Variants in PRKAR2B observed in about 807,000 individuals in gnomAD.
The protein encoded by PRKAR2B is protein kinase cAMP-dependent type II regulatory subunit beta.
Under a neutral mutation model 49.9 loss-of-function variants are expected in PRKAR2B, and 14 were observed. The ratio of observed to expected loss-of-function variants is 0.28; its 90% confidence interval spans 0.19 to 0.44. The LOEUF (loss-of-function observed/expected upper bound fraction) is 0.44, where lower values mean the gene tolerates loss of function less well. Among genes scored for constraint, PRKAR2B ranks in the 20% least tolerant of loss-of-function variants. PRKAR2B has a pLI of 1.00. For missense variants in PRKAR2B, 393 were observed against 537.9 expected, an observed-to-expected ratio of 0.73 and a Z score of 2.67; for synonymous variants, 196 against 197.7, an observed-to-expected ratio of 0.99 and a Z score of 0.07.
intron 5 of PRKAR2B, among the ~76,000 whole-genome samples, chr7:107,145,988 G>A (rs1003482926): frequency 1.3e-5 from 2 of 152,030 alleles, no homozygotes; most frequent in African/African-American, 4.8e-5. Flanking sequence ...TGATCCACCC[G>A]CCTCAGCCTC....
intron 5 of PRKAR2B, among the ~76,000 whole-genome samples, chr7:107,145,354 A>G (rs1225323861): frequency 6.6e-6 from 1 of 152,232 alleles, no homozygotes; most frequent in Non-Finnish European, 1.5e-5. Context: ...TAGATTATAA[A>G]GGACCCTAGT....
chr7:107,120,079 G>C (rs1795360389), intron 2 of PRKAR2B, among the ~76,000 whole-genome samples: 1 of 152,172 alleles, frequency 6.6e-6, no homozygotes, highest in Non-Finnish European at 1.5e-5. Context: ...TCTTTCATCT[G>C]TCAAGTGATG....
chr7:107,153,098 A>G, intron 7 of PRKAR2B, 79 bp from the exon 8 acceptor site: 1 of 1,007,346 alleles, frequency 9.9e-7, no homozygotes. Context: ...CCTATAGGCT[A>G]CCAGTTTTTT....
intron 1 of PRKAR2B, chr7:107,068,418 C>T (rs1244767264): frequency 1.3e-5 from 2 of 152,110 alleles, no homozygotes; most frequent in African/African-American, 4.8e-5. Context: ...CATTCACTGT[C>T]CTTGTAGCTT....
At chr7:107,071,540 G>T (rs932535165) in intron 2 of PRKAR2B, among the ~76,000 whole-genome samples, 2 of 152,188 alleles carry the variant, frequency 1.3e-5, no homozygotes, top group African/African-American at 2.4e-5. Context: ...TTATCCCAAA[G>T]AACTATCAAG....
At chr7:107,052,933 G>A (rs1304805390) in intron 1 of PRKAR2B, among the ~76,000 whole-genome samples, 1 of 152,156 alleles carries the variant, frequency 6.6e-6, no homozygotes, top group East Asian at 1.9e-4. Context: ...GGGTTCAAGT[G>A]ATTCTCCTGC....
At chr7:107,119,757 G>T (rs1249123519) in intron 2 of PRKAR2B, among the ~76,000 whole-genome samples, 1 of 152,158 alleles carries the variant, frequency 6.6e-6, no homozygotes, top group Non-Finnish European at 1.5e-5. Context: ...TTCCAGCAGG[G>T]AGAGATCTAG....
chr7:107,082,221 A>G (rs985423628), intron 2 of PRKAR2B: 2 of 152,192 alleles, frequency 1.3e-5, no homozygotes, highest in African/African-American at 4.8e-5. Context: ...TTTTCTTTTT[A>G]TAATGTTGAT....
intron 6 of PRKAR2B, among the ~76,000 whole-genome samples, chr7:107,147,370 T>C (rs1451010469): frequency 6.6e-6 from 1 of 152,208 alleles, no homozygotes; most frequent in African/African-American, 2.4e-5. Context: ...TCTTCAGCAC[T>C]GGGACCTGAG....
intron 1 of PRKAR2B, among the ~76,000 whole-genome samples, chr7:107,068,365 C>A (rs552016731): frequency 6.6e-6 from 1 of 152,166 alleles, no homozygotes; most frequent in South Asian, 2.1e-4. Context: ...CTTGCACTCT[C>A]CGTTCTGCAT....
chr7:107,121,930 A>G, intron 2 of PRKAR2B, 22 bp from the exon 3 acceptor site: 2 of 1,496,832 alleles, frequency 1.3e-6, no homozygotes, highest in Non-Finnish European at 1.8e-6. Context: ...AATCTTTAAG[A>G]TGTTCATTTT....
At chr7:107,120,401 A>AG (rs1795366539) in intron 2 of PRKAR2B, among the ~76,000 whole-genome samples, 1 of 152,124 alleles carries the variant, frequency 6.6e-6, no homozygotes, top group Non-Finnish European at 1.5e-5. Context: ...TCAGGTGTTT[A>AG]GAGTGGTGCC....
chr7:107,125,683 G>C (rs1795468549), intron 3 of PRKAR2B, among the ~76,000 whole-genome samples: 1 of 152,190 alleles, frequency 6.6e-6, no homozygotes, highest in Non-Finnish European at 1.5e-5. Flanking sequence ...TAATTACAGA[G>C]AGTGGACTCT....
At chr7:107,157,417 C>T (rs752233477) in intron 10 of PRKAR2B, 93 bp downstream of exon 10, 9 of 1,430,464 alleles carry the variant, frequency 6.3e-6, no homozygotes, top group Admixed American at 2.6e-5. Flanking sequence ...ATTGGGTTCA[C>T]AGGTTTTGTG....
intron 1 of PRKAR2B, among the ~76,000 whole-genome samples, chr7:107,049,858 T>C (rs1389850889): frequency 6.6e-6 from 1 of 152,174 alleles, no homozygotes; most frequent in African/African-American, 2.4e-5. Flanking sequence ...TGGTTTTAAA[T>C]CCTCCTGAAA....
At chr7:107,079,963 A>G (rs1488245069) in intron 2 of PRKAR2B, among the ~76,000 whole-genome samples, 1 of 152,208 alleles carries the variant, frequency 6.6e-6, no homozygotes, top group East Asian at 1.9e-4. Context: ...GTGTGAATAT[A>G]GTTACAGGGT....
intron 1 of PRKAR2B, chr7:107,066,685 C>G (rs1029220299): frequency 6.2e-4 from 95 of 152,258 alleles, no homozygotes; most frequent in African/African-American, 2.1e-3. Flanking sequence ...TCTCTTGCCT[C>G]AGCCTTCCGA....
At chr7:107,148,689 C>T (rs1244252533) in intron 6 of PRKAR2B, among the ~76,000 whole-genome samples, 1 of 152,080 alleles carries the variant, frequency 6.6e-6, no homozygotes, top group Non-Finnish European at 1.5e-5. Flanking sequence ...TTAAGGTCAA[C>T]AGACTGGAGG....
chr7:107,128,013 G>A (rs1309753408), intron 3 of PRKAR2B, among the ~76,000 whole-genome samples, 199 bp from the exon 4 acceptor site: 2 of 152,176 alleles, frequency 1.3e-5, no homozygotes, highest in East Asian at 3.8e-4. Flanking sequence ...CCCGAACAAG[G>A]TGAATTATGT....
Sources: gnomAD v4.1 joint callset for allele counts (sites outside exome capture counted in the v4.1 genomes callset) on GRCh38, gnomAD v4.1.1 for gene constraint, MANE v1.5 for transcripts, NCBI Gene and HGNC (gene_info 2026-07-23, HGNC 2026-07-21) for gene names.